The following PAK3 variants were observed in gnomAD, a reference collection of about 807,000 sequenced individuals.
The protein encoded by PAK3 is serine/threonine-protein kinase PAK 3.
A neutral mutation model predicts 41.0 loss-of-function variants in PAK3; 4 were observed. That is an observed-to-expected ratio of 0.10 (90% CI 0.05 to 0.22). The LOEUF (loss-of-function observed/expected upper bound fraction) is 0.22, where lower values mean the gene tolerates loss of function less well. Ranked by LOEUF, PAK3 falls within the 10% of genes least tolerant of loss-of-function variation. The probability of loss-of-function intolerance (pLI) is 1.00; values close to 1 mark genes in which losing one functional copy is unlikely to be tolerated. For synonymous variants in PAK3, 146 were observed against 139.6 expected, an observed-to-expected ratio of 1.05 and a Z score of -0.32; for missense variants, 205 against 409.9, an observed-to-expected ratio of 0.50 and a Z score of 4.32.
chrX:110,987,500 A>C (rs1280021577), intron 1 of PAK3, among the ~76,000 whole-genome samples: 1 of 111,731 alleles, frequency 9.0e-6, no homozygotes, highest in East Asian at 2.8e-4. Flanking sequence ...CGCCAGAGGG[A>C]GTCAGAGTGT....
chrX:111,117,881 T>A (rs2093493755), intron 4 of PAK3, among the ~76,000 whole-genome samples: 1 of 111,431 alleles, frequency 9.0e-6, no homozygotes, highest in Non-Finnish European at 1.9e-5. Context: ...GACAAGATGA[T>A]ACAAATGGTA....
At chrX:111,020,338 T>C (rs1223875699) in intron 1 of PAK3, among the ~76,000 whole-genome samples, 2 of 112,014 alleles carry the variant, frequency 1.8e-5, no homozygotes, top group African/African-American at 6.5e-5. Flanking sequence ...TATAAAGTAC[T>C]TAGAGTACTC....
chrX:111,165,646 G>T (rs962679907), intron 10 of PAK3, among the ~76,000 whole-genome samples: 2 of 112,202 alleles, frequency 1.8e-5, no homozygotes, highest in Non-Finnish European at 3.8e-5. Flanking sequence ...CAATTGGCAC[G>T]TTTTTCTTTA....
intron 4 of PAK3, among the ~76,000 whole-genome samples, chrX:111,104,087 T>C (rs2093203479): frequency 8.9e-6 from 1 of 112,161 alleles, no homozygotes; most frequent in Admixed American, 9.4e-5. Flanking sequence ...TCTCTCTTCC[T>C]CTGCATTTCT....
intron 5 of PAK3, among the ~76,000 whole-genome samples, 171 bp from the exon 6 acceptor site, chrX:111,141,925 C>A (rs762823199): frequency 2.7e-5 from 3 of 111,964 alleles, no homozygotes; most frequent in Non-Finnish European, 5.7e-5. Context: ...TTGTCATCAC[C>A]CTCTTAGCTA....
At chrX:110,981,810 G>A (rs1824517058) in intron 1 of PAK3, among the ~76,000 whole-genome samples, 1 of 111,617 alleles carries the variant, frequency 9.0e-6, no homozygotes, top group Non-Finnish European at 1.9e-5. Flanking sequence ...ATAAATTTGT[G>A]TGTTTTTTAA....
chrX:111,202,934 G>A (rs919334818), intron 16 of PAK3, among the ~76,000 whole-genome samples: 1 of 111,729 alleles, frequency 9.0e-6, no homozygotes, highest in South Asian at 3.8e-4. Flanking sequence ...AGATTGGATC[G>A]CTGGAAGACA....
At chrX:111,076,040 C>T (rs1443946974) in intron 1 of PAK3, among the ~76,000 whole-genome samples, 1 of 112,507 alleles carries the variant, frequency 8.9e-6, no homozygotes, top group African/African-American at 3.2e-5. Context: ...AATGCCTATA[C>T]CGCCATTGTA....
chrX:111,058,579 T>C (rs754648700), intron 1 of PAK3, among the ~76,000 whole-genome samples: 1 of 111,845 alleles, frequency 8.9e-6, no homozygotes, highest in South Asian at 3.8e-4. Flanking sequence ...TAAAAGTGCT[T>C]CAGGAGATTT....
intron 1 of PAK3, among the ~76,000 whole-genome samples, chrX:111,070,671 A>T (rs1007319470): frequency 3.6e-5 from 4 of 112,013 alleles, no homozygotes; most frequent in Non-Finnish European, 5.6e-5. Flanking sequence ...AGGCTACCTG[A>T]TGTAGTTCCC....
chrX:111,193,778 CA>C (rs200926456), intron 13 of PAK3, among the ~76,000 whole-genome samples: 43 of 87,866 alleles, frequency 4.9e-4, no homozygotes, highest in African/African-American at 2.5e-3. Flanking sequence ...AAAACAAAAA[CA>C]AAAAAAAACA....
intron 5 of PAK3, among the ~76,000 whole-genome samples, chrX:111,132,338 C>G (rs891559925): frequency 1.8e-5 from 2 of 111,406 alleles, no homozygotes; most frequent in African/African-American, 6.5e-5. Flanking sequence ...TATGACAGAT[C>G]TCTAACCTAG....
chrX:111,105,874 A>G, intron 4 of PAK3, among the ~76,000 whole-genome samples: 1 of 111,725 alleles, frequency 9.0e-6, no homozygotes, highest in Non-Finnish European at 1.9e-5. Flanking sequence ...CTCAAACTCA[A>G]GCACAATCAC....
At position 111,163,544 on chromosome X, in the gene PAK3, G is replaced by A; in HGVS notation, c.601-18G>A. On this transcript the variant is annotated intron_variant, in intron 9 of 17. Coordinates refer to ENST00000372007, the MANE Select transcript of PAK3 (RefSeq NM_002578.5). Reference sequence around the variant, plus strand: ...CTTGGCCTGCTGTTTTAATTGCAGAGCTTTTTGGTTTTTTTAGATCTATAC... The same window carrying A: ...CTTGGCCTGCTGTTTTAATTGCAGAACTTTTTGGTTTTTTTAGATCTATAC... The A allele has an allele frequency of 8.5e-7, 1 of 1,180,766 alleles. No individual in the cohort carries two copies. The highest frequency in any genetic ancestry group is 1.2e-6 in the Non-Finnish European group (1 of 867,885).
At chrX:111,026,353 G>A (rs2092269536) in intron 1 of PAK3, among the ~76,000 whole-genome samples, 1 of 111,563 alleles carries the variant, frequency 9.0e-6, no homozygotes, top group Non-Finnish European at 1.9e-5. Flanking sequence ...TTGGTAAAGA[G>A]GAAGTCAAGC....
At chrX:111,182,024 A>G (rs1260465965) in intron 11 of PAK3, among the ~76,000 whole-genome samples, 1 of 111,907 alleles carries the variant, frequency 8.9e-6, no homozygotes, top group African/African-American at 3.2e-5. Flanking sequence ...ATGCTCTTAA[A>G]TGCACTGTGT....
chrX:111,090,635 C>T (rs1183681948), intron 1 of PAK3, among the ~76,000 whole-genome samples: 1 of 111,439 alleles, frequency 9.0e-6, no homozygotes, highest in Non-Finnish European at 1.9e-5. Context: ...CGACAACCAG[C>T]AATGATTCAA....
chrX:111,020,442 T>C (rs942745676), intron 1 of PAK3, among the ~76,000 whole-genome samples: 2 of 110,904 alleles, frequency 1.8e-5, no homozygotes, highest in African/African-American at 3.3e-5. Flanking sequence ...ACAGTTTCAG[T>C]TGGGGAAGAT....
intron 1 of PAK3, among the ~76,000 whole-genome samples, chrX:110,966,743 T>C (rs1041315761): frequency 3.6e-5 from 4 of 111,576 alleles, no homozygotes; most frequent in Non-Finnish European, 7.5e-5. Context: ...GAAGGAAGTA[T>C]TCCAAAATGT....
Sources: gnomAD v4.1 joint callset for allele counts (sites outside exome capture counted in the v4.1 genomes callset) on GRCh38, gnomAD v4.1.1 for gene constraint, MANE v1.5 for transcripts, NCBI Gene and HGNC (gene_info 2026-07-23, HGNC 2026-07-21) for gene names.